MORC4: variants seen among roughly 807,000 people sequenced by gnomAD.
The protein encoded by MORC4 is MORC family CW-type zinc finger protein 4.
MORC4 carries 22 observed loss-of-function variants against 65.5 expected under a neutral mutation model. The ratio of observed to expected loss-of-function variants is 0.34; its 90% confidence interval spans 0.24 to 0.48. MORC4 has a LOEUF of 0.48. MORC4 is among the 20% of genes least tolerant of loss of function. The pLI is 0.99. For synonymous variants in MORC4, 267 were observed against 255.8 expected (o/e 1.04, Z -0.42); for missense variants, 624 against 703.0 (o/e 0.89, Z 1.27).
At chrX:106,959,854 T>A (rs1027084258) in intron 10 of MORC4, among the ~76,000 whole-genome samples, 4 of 112,645 alleles carry the variant, frequency 3.6e-5, no homozygotes, top group Admixed American at 9.4e-5. Context: ...ATTGTGCTTT[T>A]TTCTAAATAT....
Position 106,998,015 on chromosome X carries a change from T to C in MORC4, c.175+1662A>G, listed in dbSNP as rs1019855312. The stretch of plus-strand genomic sequence containing the variant: ...TCTGTACATGTTTTATCTCCCCTAC[T>C]AGAAGAGTGAATCTGTGTTGTATTC... On this transcript the variant is annotated intron_variant, in intron 2 of 16. Coordinates refer to ENST00000355610, the MANE Select transcript of MORC4 (RefSeq NM_024657.5). 3.6e-5 allele frequency among the ~76,000 whole-genome samples: 4 copies of C among 112,363 alleles called. No individual in the cohort carries two copies. The Admixed American group carries it at 3.8e-4, about 11-fold the overall frequency.
chrX:106,990,825 T>A (rs1934966665), intron 3 of MORC4, among the ~76,000 whole-genome samples: 1 of 110,869 alleles, frequency 9.0e-6, no homozygotes, highest in African/African-American at 3.3e-5. Context: ...TGAGCTGAGA[T>A]CATGCCATTG....
chrX:106,993,539 G>A (rs1935020371), intron 2 of MORC4, among the ~76,000 whole-genome samples, 177 bp from the exon 3 acceptor site: 1 of 112,159 alleles, frequency 8.9e-6, no homozygotes, highest in Admixed American at 9.4e-5. Context: ...GAACAAAAGA[G>A]ATGATGCCAG....
At chrX:106,986,267 T>C in intron 3 of MORC4, 67 bp from the exon 4 acceptor site, 1 of 824,640 alleles carries the variant, frequency 1.2e-6, no homozygotes, top group Non-Finnish European at 1.7e-6. Context: ...CATCCTAAGA[T>C]AGGTGACAGG....
intron 12 of MORC4, 101 bp downstream of exon 12, chrX:106,956,835 A>C: frequency 1.6e-6 from 1 of 623,096 alleles, no homozygotes; most frequent in Non-Finnish European, 2.6e-6. Flanking sequence ...GAAATTATTT[A>C]AGAACCAAAA....
chrX:106,976,776 A>G, intron 8 of MORC4, 92 bp from the exon 9 acceptor site: 5 of 586,059 alleles, frequency 8.5e-6, no homozygotes, highest in Non-Finnish European at 1.4e-5. Flanking sequence ...GAAAGGTTAC[A>G]TAACCTTCAT....
intron 12 of MORC4, 114 bp downstream of exon 12, chrX:106,956,822 A>G (rs1934117348): frequency 3.7e-6 from 2 of 538,691 alleles, no homozygotes; most frequent in Non-Finnish European, 6.2e-6. Flanking sequence ...AGAGGTGAGG[A>G]GGGAAATTAT....
intron 2 of MORC4, among the ~76,000 whole-genome samples, chrX:106,999,092 G>C (rs1015332375): frequency 3.6e-5 from 4 of 111,751 alleles, no homozygotes; most frequent in African/African-American, 1.3e-4. Flanking sequence ...CCGGTGGAGC[G>C]AGAGGTTAAG....
intron 7 of MORC4, among the ~76,000 whole-genome samples, chrX:106,980,332 TTA>T (rs1486288759): frequency 4.5e-5 from 5 of 110,980 alleles, no homozygotes; most frequent in Non-Finnish European, 9.5e-5. Flanking sequence ...TACCAGGAAT[TTA>T]TGTCAAACCT....
In MORC4 at chrX:106,956,964, C is replaced by T; in HGVS notation, c.1426G>A (p.Asp476Asn). ...TTCTTAGCTTTGCTCAAGCACAGGT[C>T]TTCATCAGTGAGTTCTTGTTCCTCT... is the stretch of plus-strand genomic sequence containing the variant. ...VPEEQELTDE[D>N]LCLSKAKKQE... Residue 476 changes from aspartate (D) to asparagine (N), a missense_variant, in exon 12 of 17, where the codon GAC becomes AAC. Transcript: ENST00000355610. 1 of 1,198,185 alleles carries T rather than the reference C, an allele frequency of 8.3e-7. No homozygotes were observed. Among genetic ancestry groups the T allele is most frequent in the Non-Finnish European group, 1.1e-6 (1 of 884,934 alleles).
At chrX:106,976,472 A>T in intron 9 of MORC4, 112 bp downstream of exon 9, 2 of 450,772 alleles carry the variant, frequency 4.4e-6, no homozygotes, top group South Asian at 9.4e-5. Flanking sequence ...AATTTGAAGT[A>T]ATTCTCAGTT....
At chrX:106,950,705 G>C (rs752429427) in intron 14 of MORC4, among the ~76,000 whole-genome samples, 5 of 111,920 alleles carry the variant, frequency 4.5e-5, no homozygotes, top group Non-Finnish European at 7.5e-5. Context: ...GCCTGGAATA[G>C]AGCTTCTACA....
chrX:106,999,581 G>GCCCCC, intron 2 of MORC4, 96 bp downstream of exon 2: 2 of 424,128 alleles, frequency 4.7e-6, no homozygotes, highest in Non-Finnish European at 6.9e-6. Context: ...GCCCCGGCCC[G>GCCCCC]CCCCGCGCGG....
At chrX:106,948,415 A>T (rs1281099390) in intron 14 of MORC4, among the ~76,000 whole-genome samples, 1 of 112,150 alleles carries the variant, frequency 8.9e-6, no homozygotes, top group African/African-American at 3.2e-5. Flanking sequence ...ATATGCAATT[A>T]TATACAAATA....
chrX:106,941,527 C>T lies in MORC4; in HGVS notation c.2766G>A (p.Val922=). 3 of 1,210,292 alleles carry T rather than the reference C, an allele frequency of 2.5e-6. No homozygotes were observed. The highest frequency in any genetic ancestry group is 3.4e-6 in the Non-Finnish European group (3 of 894,567). The change falls in exon 17 of 17, where the codon GTG becomes GTA. Residue 922 remains valine (V), a synonymous_variant. Coordinates refer to ENST00000355610, the MANE Select transcript of MORC4 (RefSeq NM_024657.5). ...CCAGCACCGTGTACAGGATCCCATC[C>T]ACTTGTTCTGAGTCATACCCGATCT... The part of the protein sequence containing the change: ...LREIGYDSEQ[V]DGILYTVLEA...
intron 15 of MORC4, 120 bp from the exon 16 acceptor site, chrX:106,942,341 A>G: frequency 1.1e-6 from 1 of 937,502 alleles, no homozygotes; most frequent in East Asian, 3.1e-5. Flanking sequence ...CCTTTTCAAT[A>G]CCCTAAAATG....
intron 9 of MORC4, among the ~76,000 whole-genome samples, chrX:106,971,087 A>G (rs1225780761): frequency 8.9e-6 from 1 of 111,931 alleles, no homozygotes; most frequent in East Asian, 2.8e-4. Context: ...TACAGTAACC[A>G]AAACAGCATG....
chrX:106,992,060 A>G (rs1934994600), intron 3 of MORC4, among the ~76,000 whole-genome samples: 2 of 112,126 alleles, frequency 1.8e-5, no homozygotes, highest in Admixed American at 9.4e-5. Context: ...TATAAGTTAA[A>G]GGATTGGGCC....
Sources: allele counts gnomAD v4.1 joint callset (sites outside exome capture counted in the v4.1 genomes callset), GRCh38; gene constraint gnomAD v4.1.1; transcripts MANE v1.5; gene names NCBI Gene and HGNC (gene_info 2026-07-23, HGNC 2026-07-21).